Variants in RSPH14 observed in about 807,000 individuals in gnomAD.
The protein encoded by RSPH14 is rhabdoid tumor deletion region gene 1.
RSPH14 carries 20 observed loss-of-function variants against 26.7 expected under a neutral mutation model. The ratio of observed to expected loss-of-function variants is 0.75; its 90% CI spans 0.53 to 1.09. The LOEUF (loss-of-function observed/expected upper bound fraction) is 1.09, where lower values mean the gene tolerates loss of function less well. Among genes scored for constraint, RSPH14 ranks in the 50% least tolerant of loss-of-function variants. The probability of loss-of-function intolerance (pLI) is 0.00; values close to 1 mark genes in which losing one functional copy is unlikely to be tolerated. For synonymous variants in RSPH14, 177 were observed against 189.3 expected (o/e 0.93, Z 0.53); for missense variants, 449 against 457.2 (o/e 0.98, Z 0.16).
chr22:23,122,087 G>T (rs1473077437), intron 4 of RSPH14, among the ~76,000 whole-genome samples: 1 of 152,160 alleles, frequency 6.6e-6, no homozygotes, highest in African/African-American at 2.4e-5. Flanking sequence ...CCAGATTTTT[G>T]ATATTTTGCT....
Position 23,061,906 on chromosome 22 carries a change from G to C in RSPH14, c.693C>G (p.Asp231Glu). Residue 231 changes from aspartate (D) to glutamate (E), a missense_variant, in exon 6 of 7, where the codon GAC becomes GAG. Asp to Glu is a conservative substitution (Grantham distance 45). Coordinates refer to ENST00000216036, the MANE Select transcript of RSPH14 (RefSeq NM_014433.3). ...REGKKQVCHF[D>E]VIPILVHLLK... The stretch of plus-strand genomic sequence containing the variant: ...GCAGATGGACCAGGATGGGGATGAC[G>C]TCAAAATGACACACCTGTTTCTTGC... 6.2e-7 allele frequency: 1 copy of C among 1,614,120 alleles called. No homozygotes were observed. Among genetic ancestry groups the C allele is most frequent in the South Asian group, 1.1e-5 (1 of 91,078 alleles).
intron 4 of RSPH14, among the ~76,000 whole-genome samples, chr22:23,098,414 G>A (rs1231234521): frequency 6.6e-6 from 1 of 152,214 alleles, no homozygotes; most frequent in East Asian, 1.9e-4. Context: ...TGGCCCCTGT[G>A]GGGCCTCACA....
upstream of RSPH14, among the ~76,000 whole-genome samples, chr22:23,143,183 T>C (rs919983613): frequency 3.3e-5 from 5 of 151,920 alleles, no homozygotes; most frequent in African/African-American, 1.2e-4. Context: ...CCTAGCACTT[T>C]GGGAGGCTGA....
Position 23,123,626 on chromosome 22 carries a change from C to T in RSPH14, c.421+10400G>A, listed in dbSNP as rs943733737. The T allele has an allele frequency of 3.7e-5, 22 of 591,974 alleles. No homozygotes were observed. In the African/African-American group the frequency reaches 4.1e-4, roughly 11 times the overall value. The allele number at this position is 591,974 out of a possible 1,614,324, so 36.7% of individuals were successfully genotyped here. A position where few individuals can be genotyped will look rare whatever the true frequency, so the allele number is the denominator to read the frequency against. On this transcript the variant is annotated intron_variant, in intron 4 of 6. Transcript: ENST00000216036. The stretch of plus-strand genomic sequence containing the variant: ...ACGGATAGATTGCTAGGTAGATAGA[C>T]ACACACACATGCACACACACACATC...
chr22:23,132,175 T>A (rs1220418493), intron 4 of RSPH14, among the ~76,000 whole-genome samples: 4 of 152,098 alleles, frequency 2.6e-5, no homozygotes, highest in African/African-American at 9.7e-5. Flanking sequence ...ACATGGGAAA[T>A]AACCTGTCCA....
At position 23,111,640 on chromosome 22, in the gene RSPH14, G is replaced by A. The variant is rs552965083; in HGVS notation, c.421+22386C>T. ...CTTATTTTACTGAGGCAGGAGCTGC[G>A]GCCCAGAGCAGAAGTGACATGCCCA... On this transcript the variant is annotated intron_variant, in intron 4 of 6. Transcript: ENST00000216036. 3.8e-4 allele frequency among the ~76,000 whole-genome samples: 58 copies of A among 152,354 alleles called. No individual in the cohort carries two copies. In the South Asian group the frequency reaches 5.6e-3, roughly 15 times the overall value.
chr22:23,092,865 G>C (rs945146053), intron 4 of RSPH14, among the ~76,000 whole-genome samples: 11 of 152,228 alleles, frequency 7.2e-5, no homozygotes, highest in African/African-American at 2.7e-4. Context: ...GTGGAATTGA[G>C]AAGAACAGTC....
At chr22:23,156,142 C>CCACT in the RSPH14 span, 1 of 853,830 alleles carries the variant, frequency 1.2e-6, no homozygotes, top group Non-Finnish European at 1.7e-6. Context: ...TTTTGTCCTC[C>CCACT]AAGACCCACT....
At chr22:23,088,467 C>A (rs1026692726) in intron 4 of RSPH14, among the ~76,000 whole-genome samples, 1 of 152,198 alleles carries the variant, frequency 6.6e-6, no homozygotes, top group African/African-American at 2.4e-5. Context: ...ACAGGAGCCG[C>A]GGCTGCCTGG....
intron 1 of RSPH14, 114 bp from the exon 2 acceptor site, chr22:23,140,586 G>C (rs2070579115): frequency 1.6e-6 from 2 of 1,224,616 alleles, no homozygotes; most frequent in Admixed American, 5.7e-5. Flanking sequence ...TCATTTTACA[G>C]ATGAGCAAAC....
intron 4 of RSPH14, among the ~76,000 whole-genome samples, chr22:23,080,248 T>G (rs2068638053): frequency 6.6e-6 from 1 of 152,198 alleles, no homozygotes; most frequent in African/African-American, 2.4e-5. Context: ...CAGGCGACAC[T>G]ATCACCCTTT....
rs1374721212 is a variant in RSPH14, at chr22:23,071,216, G to GT, written c.422-7084dup. Among the ~76,000 whole-genome samples, 1 of 152,032 alleles carries GT rather than the reference G, an allele frequency of 6.6e-6. No individual in the cohort carries two copies. Among genetic ancestry groups the GT allele is most frequent in the Non-Finnish European group, 1.5e-5 (1 of 67,974 alleles). On this transcript the variant is annotated intron_variant, in intron 4 of 6. Coordinates refer to ENST00000216036, the MANE Select transcript of RSPH14 (RefSeq NM_014433.3). The surrounding 1 kb of genome is among the most constrained non-coding windows in gnomAD (Gnocchi z 4.1). ...TTTTCCCTTAAAAGGCGGTGGGGGT[G>GT]TTTGGGGGAGGGGAGTGAGGGCCTC...
intron 4 of RSPH14, among the ~76,000 whole-genome samples, chr22:23,065,314 C>T (rs1313340759): frequency 2.0e-5 from 3 of 151,902 alleles, no homozygotes; most frequent in Non-Finnish European, 4.4e-5. Flanking sequence ...CTCTTACCGC[C>T]CCCCACCATG....
intron 4 of RSPH14, among the ~76,000 whole-genome samples, chr22:23,066,544 G>A (rs2068214597): frequency 6.6e-6 from 1 of 152,160 alleles, no homozygotes; most frequent in Non-Finnish European, 1.5e-5. Context: ...TTGAGACAGA[G>A]GGAGAAGATT....
chr22:23,166,447 C>G, the RSPH14 span, among the ~76,000 whole-genome samples: 2 of 151,968 alleles, frequency 1.3e-5, no homozygotes, highest in Non-Finnish European at 2.9e-5. Context: ...TGTCCTGAGG[C>G]AAAGCAAGGG....
At chr22:23,158,064 C>T in the RSPH14 span, 1 of 1,613,782 alleles carries the variant, frequency 6.2e-7, no homozygotes, top group African/African-American at 1.3e-5. Context: ...GCTCTCTGGC[C>T]CCTGCAGTCT....
At chr22:23,116,689 T>A (rs914552005) in intron 4 of RSPH14, among the ~76,000 whole-genome samples, 8 of 152,166 alleles carry the variant, frequency 5.3e-5, no homozygotes, top group African/African-American at 1.9e-4. Flanking sequence ...AGGCCCTGGA[T>A]GAGCCTCTCA....
At chr22:23,100,298 A>G (rs912120519) in intron 4 of RSPH14, among the ~76,000 whole-genome samples, 1 of 152,222 alleles carries the variant, frequency 6.6e-6, no homozygotes, top group Non-Finnish European at 1.5e-5. Flanking sequence ...AGCAGTTCCC[A>G]GCAGTGTCCC....
At chr22:23,157,848 G>T in the RSPH14 span, 2 of 1,536,816 alleles carry the variant, frequency 1.3e-6, no homozygotes, top group Non-Finnish European at 1.7e-6. Context: ...TTCCTCCTCA[G>T]CCTTCATTGT....
Sources: allele counts gnomAD v4.1 joint callset (sites outside exome capture counted in the v4.1 genomes callset), GRCh38; gene constraint gnomAD v4.1.1; non-coding constraint Gnocchi (gnomAD v3.1); transcripts MANE v1.5; gene names NCBI Gene and HGNC (gene_info 2026-07-23, HGNC 2026-07-21).